Variants in STX12 observed in about 807,000 individuals in gnomAD.
The protein encoded by STX12 is syntaxin 12, also known as syntaxin-12.
STX12 carries 17 observed loss-of-function variants against 42.2 expected under a neutral mutation model. The observed-to-expected ratio is 0.40, with a 90% CI of 0.28 to 0.60. The LOEUF is 0.60. STX12 is among the 20% of genes least tolerant of loss of function. STX12 has a pLI of 0.39. For synonymous variants in STX12, 108 were observed against 116.7 expected, an observed-to-expected ratio of 0.93 and a Z score of 0.48; for missense variants, 297 against 330.9, an observed-to-expected ratio of 0.90 and a Z score of 0.79.
In STX12 at chr1:27,819,716, G is replaced by T. The variant is rs755681038; in HGVS notation, c.716G>T (p.Arg239Leu). The change falls in exon 8 of 9, where the codon CGA becomes CTA. Residue 239 changes from arginine to leucine, a missense_variant. Coordinates refer to ENST00000373943, the MANE Select transcript of STX12 (RefSeq NM_177424.3). ...GAAAGAGCCACTGAACAGTTACAGC[G>T]AGCTGCTTACTATCAGGTAAAAGCG... ...HVERATEQLQRAAYYQKKSRK... is the reference protein window; with the variant it reads ...HVERATEQLQLAAYYQKKSRK... The T allele has an allele frequency of 6.2e-7, 1 of 1,613,654 alleles. No individual in the cohort carries two copies. Among genetic ancestry groups the T allele is most frequent in the African/African-American group, 1.3e-5 (1 of 74,914 alleles).
intron 4 of STX12, among the ~76,000 whole-genome samples, chr1:27,808,445 A>G (rs978285785): frequency 1.3e-5 from 2 of 151,646 alleles, no homozygotes; most frequent in Non-Finnish European, 2.9e-5. Flanking sequence ...AGGTTCAAGC[A>G]ATTCTCCTGC....
At chr1:27,805,231 A>G (rs2088855571) in intron 4 of STX12, among the ~76,000 whole-genome samples, 1 of 152,222 alleles carries the variant, frequency 6.6e-6, no homozygotes, top group South Asian at 2.1e-4. Flanking sequence ...CTATTGATGT[A>G]TACTGTATTA....
At chr1:27,794,874 A>G (rs1010680852) in intron 3 of STX12, among the ~76,000 whole-genome samples, 1 of 152,014 alleles carries the variant, frequency 6.6e-6, no homozygotes, top group Non-Finnish European at 1.5e-5. Flanking sequence ...AGTGCGCACC[A>G]CCACACGCAG....
chr1:27,815,200 A>G (rs950711894), intron 6 of STX12, among the ~76,000 whole-genome samples: 1 of 152,190 alleles, frequency 6.6e-6, no homozygotes, highest in African/African-American at 2.4e-5. Flanking sequence ...CCTGGAACCA[A>G]TCCCCCACGG....
At chr1:27,797,890 A>G (rs1421648476) in intron 3 of STX12, among the ~76,000 whole-genome samples, 1 of 151,938 alleles carries the variant, frequency 6.6e-6, no homozygotes, top group Non-Finnish European at 1.5e-5. Flanking sequence ...ACACACACAC[A>G]CACACACACA....
Position 27,777,115 on chromosome 1 carries a change from C to T in STX12, c.118+3690C>T, listed in dbSNP as rs566023891. Among the ~76,000 whole-genome samples the T allele has an allele frequency of 8.5e-5, 13 of 152,064 alleles. No individual in the cohort carries two copies. In the East Asian group the frequency reaches 2.1e-3, roughly 25 times the overall value. On this transcript the variant is annotated intron_variant, in intron 1 of 8. Transcript: ENST00000373943. ...CGGGGGGAGTATGTATACACACATA[C>T]GTACATACACATATAAATAATGTCA...
intron 3 of STX12, among the ~76,000 whole-genome samples, chr1:27,798,095 C>G (rs952824951): frequency 6.6e-6 from 1 of 152,066 alleles, no homozygotes; most frequent in African/African-American, 2.4e-5. Context: ...AAAGCACTTA[C>G]AGTAGTACTG....
In STX12 at chr1:27,823,543, C is replaced by T. The variant is rs1382704481; in HGVS notation, c.*1214C>T. 2 of 152,610 alleles carry T rather than the reference C, an allele frequency of 1.3e-5. No individual in the cohort carries two copies. Among genetic ancestry groups the T allele is most frequent in the African/African-American group, 4.8e-5 (2 of 41,440 alleles). 9.5% of individuals were successfully genotyped at this position (152,610 alleles called of 1,614,324 possible). ...AAAGGGAACATAATTTGTTTAGGCT[C>T]CCACATAAATGTGAATCTGGCCAAC... On this transcript the variant is annotated 3_prime_UTR_variant, in exon 9 of 9. Transcript: ENST00000373943.
At chr1:27,781,224 A>G (rs1218872645) in intron 1 of STX12, among the ~76,000 whole-genome samples, 1 of 151,854 alleles carries the variant, frequency 6.6e-6, no homozygotes, top group Non-Finnish European at 1.5e-5. Context: ...TTGTATTTTT[A>G]GTAGAGACAG....
chr1:27,823,415 T>C lies in STX12; in HGVS notation c.*1086T>C, dbSNP rs1311407198. 1 of 152,688 alleles carries C rather than the reference T, an allele frequency of 6.5e-6. No individual in the cohort carries two copies. The highest frequency in any genetic ancestry group is 1.5e-5 in the Non-Finnish European group (1 of 68,046). 9.5% of individuals were successfully genotyped at this position (152,688 alleles called of 1,614,324 possible). ...ACCTAATTTATAAACAAGAGATTAA[T>C]ATCTCCATGCATAGTTTTAGACAAA... On this transcript the variant is annotated 3_prime_UTR_variant, in exon 9 of 9. Transcript: ENST00000373943.
At chr1:27,777,186 GAGTC>G (rs2088633341) in intron 1 of STX12, among the ~76,000 whole-genome samples, 3 of 152,192 alleles carry the variant, frequency 2.0e-5, no homozygotes, top group Non-Finnish European at 4.4e-5. Flanking sequence ...AGTGGGTAGA[GAGTC>G]AGGGAAGAGG....
intron 3 of STX12, among the ~76,000 whole-genome samples, chr1:27,800,967 A>G (rs1478940175): frequency 2.0e-5 from 3 of 152,246 alleles, no homozygotes; most frequent in Non-Finnish European, 4.4e-5. Flanking sequence ...TGAATTCAAT[A>G]TAGATGAATA....
chr1:27,810,165 A>C (rs1571530417), intron 4 of STX12, 81 bp from the exon 5 acceptor site: 1 of 1,293,250 alleles, frequency 7.7e-7, no homozygotes, highest in East Asian at 2.4e-5. Context: ...GCTTCTTTAT[A>C]CTGTGCTAAG....
At chr1:27,800,547 TCAGA>T (rs1433137491) in intron 3 of STX12, among the ~76,000 whole-genome samples, 1 of 150,992 alleles carries the variant, frequency 6.6e-6, no homozygotes, top group Non-Finnish European at 1.5e-5. Context: ...TTTTGTTTTT[TCAGA>T]CAGAGTTTCA....
intron 1 of STX12, among the ~76,000 whole-genome samples, chr1:27,788,209 C>T (rs1265038815): frequency 6.6e-6 from 1 of 152,180 alleles, no homozygotes; most frequent in African/African-American, 2.4e-5. Context: ...ACAGTGAATG[C>T]TCTTGGAAAA....
rs978187454 is a variant in STX12, at chr1:27,823,656, T to C, written c.*1327T>C. 2 of 152,682 alleles carry C rather than the reference T, an allele frequency of 1.3e-5. No individual in the cohort carries two copies. Among genetic ancestry groups the C allele is most frequent in the Non-Finnish European group, 1.5e-5 (1 of 68,046 alleles). The allele number at this position is 152,682 out of a possible 1,614,324, so 9.5% of individuals were successfully genotyped here. The stretch of plus-strand genomic sequence containing the variant: ...TTCTTCTGTTCTCCTTCTGTTATTA[T>C]ACTTAATCTTCTAAACTAAACTAAT... On this transcript the variant is annotated 3_prime_UTR_variant, in exon 9 of 9. Coordinates refer to ENST00000373943, the MANE Select transcript of STX12 (RefSeq NM_177424.3).
At chr1:27,778,320 GTGTC>G (rs1253200997) in intron 1 of STX12, among the ~76,000 whole-genome samples, 4 of 152,188 alleles carry the variant, frequency 2.6e-5, no homozygotes, top group Non-Finnish European at 4.4e-5. Flanking sequence ...GTGGAACAAA[GTGTC>G]TGGGCAAGTA....
rs181364951 is a variant in STX12, at chr1:27,790,634, G to C, written c.188+1003G>C. Among the ~76,000 whole-genome samples, 14 of 152,320 alleles carry C rather than the reference G, an allele frequency of 9.2e-5. No homozygotes were observed. In the East Asian group the frequency reaches 2.7e-3, roughly 29 times the overall value. On this transcript the variant is annotated intron_variant, in intron 2 of 8. Transcript: ENST00000373943. ...TAAGTATTAAGTAATGTAATCTAGA[G>C]ATGATTTAAAGTATATGGAAGGGGG...
At position 27,773,420 on chromosome 1, in the gene STX12, A is replaced by C; in HGVS notation, c.113A>C (p.Gln38Pro). 3 of 1,613,622 alleles carry C rather than the reference A, an allele frequency of 1.9e-6. No homozygotes were observed. Among genetic ancestry groups the C allele is most frequent in the Non-Finnish European group, 1.7e-6 (2 of 1,179,720 alleles). ...AGCGGCAACATCCAGCGGATCAGCC[A>C]AGCCAGTGAGCCGGGGTACCGAGCT... ...TCSGNIQRIS[Q>P]ATAQIKNLMS... Residue 38 changes from glutamine to proline, a missense_variant, in exon 1 of 9, where the codon CAA becomes CCA. By Grantham distance (76) the Gln-to-Pro change is moderately conservative. Coordinates refer to ENST00000373943, the MANE Select transcript of STX12 (RefSeq NM_177424.3).
Sources: allele counts gnomAD v4.1 joint callset (sites outside exome capture counted in the v4.1 genomes callset), GRCh38; gene constraint gnomAD v4.1.1; transcripts MANE v1.5; gene names NCBI Gene and HGNC (gene_info 2026-07-23, HGNC 2026-07-21).